RNGTT: variants seen among roughly 807,000 people sequenced by gnomAD.
RNGTT encodes the protein mRNA-capping enzyme.
A neutral mutation model predicts 79.3 loss-of-function variants in RNGTT; 33 were observed. The observed-to-expected ratio is 0.42, with a 90% CI of 0.32 to 0.56. The LOEUF (loss-of-function observed/expected upper bound fraction) is 0.56, where lower values mean the gene tolerates loss of function less well. RNGTT is among the 20% of genes least tolerant of loss of function. RNGTT has a pLI of 0.17. For synonymous variants in RNGTT, 222 were observed against 235.9 expected, an observed-to-expected ratio of 0.94 and a Z score of 0.54; for missense variants, 497 against 739.1, an observed-to-expected ratio of 0.67 and a Z score of 3.80.
intron 6 of RNGTT, among the ~76,000 whole-genome samples, chr6:88,892,912 C>T (rs540316862): frequency 7.9e-5 from 12 of 152,146 alleles, no homozygotes; most frequent in African/African-American, 2.9e-4. Context: ...TTCCAGCAGA[C>T]ACTAGTCCTA....
In RNGTT at chr6:88,936,140, C is replaced by T. The variant is rs190655797; in HGVS notation, c.174+4931G>A. On this transcript the variant is annotated intron_variant, in intron 2 of 15. Transcript: ENST00000369485. The stretch of plus-strand genomic sequence containing the variant: ...GAGATGGGGGTCTCACTTTGGGGTC[C>T]AGTCTGTTCTTGAACTCTTAGCCTA... Among the ~76,000 whole-genome samples the T allele has an allele frequency of 1.9e-3, 294 of 152,134 alleles. 3 individuals carry two copies. The Middle Eastern group carries it at 0.02, about 11-fold the overall frequency.
At chr6:88,818,593 A>G (rs1443282428) in intron 11 of RNGTT, among the ~76,000 whole-genome samples, 1 of 152,218 alleles carries the variant, frequency 6.6e-6, no homozygotes, top group Non-Finnish European at 1.5e-5. Context: ...AAAAGAAAAA[A>G]GTTTATTTCG....
chr6:88,837,344 C>G (rs922466700), intron 11 of RNGTT, among the ~76,000 whole-genome samples: 1 of 152,110 alleles, frequency 6.6e-6, no homozygotes, highest in Admixed American at 6.5e-5. Context: ...CTGTAGTGAG[C>G]TATAATTGTG....
At chr6:88,840,208 T>C (rs1331778129) in intron 11 of RNGTT, among the ~76,000 whole-genome samples, 1 of 152,204 alleles carries the variant, frequency 6.6e-6, no homozygotes, top group African/African-American at 2.4e-5. Context: ...CTGTCAATTG[T>C]AGTTATTATC....
chr6:88,613,745 C>T (rs1772119044), intron 15 of RNGTT, among the ~76,000 whole-genome samples: 1 of 152,174 alleles, frequency 6.6e-6, no homozygotes, highest in South Asian at 2.1e-4. Context: ...TGTTGTTCCC[C>T]ATGAAAGAAA....
intron 14 of RNGTT, among the ~76,000 whole-genome samples, chr6:88,617,002 G>C (rs982026439): frequency 1.3e-5 from 2 of 152,248 alleles, no homozygotes; most frequent in African/African-American, 4.8e-5. Context: ...GCCGGGCACA[G>C]TGGCTCACGC....
At position 88,940,741 on chromosome 6, in the gene RNGTT, A is replaced by G. The variant is rs140818641; in HGVS notation, c.174+330T>C. Among the ~76,000 whole-genome samples the G allele has an allele frequency of 5.3e-3, 805 of 152,322 alleles. 5 individuals are homozygous for G. Among genetic ancestry groups the G allele is most frequent in the Middle Eastern group, 0.01 (3 of 294 alleles). ...CTCTGTGGAGATGCAGCAGTTCTAT[A>G]ATCACTACCATGAATTTACACATGA... On this transcript the variant is annotated intron_variant, in intron 2 of 15. Transcript: ENST00000369485.
chr6:88,635,991 G>A (rs1180836265), intron 14 of RNGTT, among the ~76,000 whole-genome samples: 1 of 151,960 alleles, frequency 6.6e-6, no homozygotes, highest in Non-Finnish European at 1.5e-5. Context: ...AAGAGATATA[G>A]GTCATTTATA....
intron 13 of RNGTT, among the ~76,000 whole-genome samples, chr6:88,738,001 C>T (rs930473676): frequency 1.4e-4 from 21 of 152,028 alleles, no homozygotes; most frequent in Non-Finnish European, 2.6e-4. Flanking sequence ...CCAAAGAGTA[C>T]AGTATGAAAA....
chr6:88,679,122 C>T lies in RNGTT; in HGVS notation c.1440-703G>A, dbSNP rs554167147. On this transcript the variant is annotated intron_variant, in intron 13 of 15. Transcript: ENST00000369485. Reference sequence around the variant, plus strand: ...TGATGCACCACCACTATGCACTGTACAGGAGATAATATAAACCTAAATATA... The same window carrying T: ...TGATGCACCACCACTATGCACTGTATAGGAGATAATATAAACCTAAATATA... 4.6e-5 allele frequency among the ~76,000 whole-genome samples: 7 copies of T among 152,198 alleles called. No homozygotes were observed. The South Asian group carries it at 1.0e-3, about 23-fold the overall frequency.
intron 13 of RNGTT, among the ~76,000 whole-genome samples, chr6:88,755,744 C>G (rs1010145008): frequency 6.6e-6 from 1 of 151,842 alleles, no homozygotes; most frequent in Admixed American, 6.6e-5. Flanking sequence ...AGGTGCATCA[C>G]GAGGTCAGGA....
chr6:88,710,130 T>C (rs939857220), intron 13 of RNGTT, among the ~76,000 whole-genome samples: 11 of 152,156 alleles, frequency 7.2e-5, no homozygotes, highest in Non-Finnish European at 1.6e-4. Context: ...TGCAGTAGAG[T>C]GCACCTATAG....
chr6:88,681,689 A>C (rs752349879), intron 13 of RNGTT, among the ~76,000 whole-genome samples: 21 of 152,164 alleles, frequency 1.4e-4, no homozygotes, highest in Non-Finnish European at 2.6e-4. Flanking sequence ...TCCCAGAGTA[A>C]AGCATTAATT....
chr6:88,720,016 T>C (rs1776654724), intron 13 of RNGTT, among the ~76,000 whole-genome samples: 1 of 152,200 alleles, frequency 6.6e-6, no homozygotes, highest in African/African-American at 2.4e-5. Context: ...ATCCCTACTC[T>C]GTGGCTAGCG....
intron 7 of RNGTT, among the ~76,000 whole-genome samples, 197 bp from the exon 8 acceptor site, chr6:88,890,793 T>C (rs1025849335): frequency 3.3e-5 from 5 of 152,194 alleles, no homozygotes; most frequent in African/African-American, 1.2e-4. Flanking sequence ...AGAATGCAAG[T>C]TAACAGAGTT....
intron 14 of RNGTT, among the ~76,000 whole-genome samples, chr6:88,649,915 T>C (rs981277920): frequency 1.3e-5 from 2 of 152,150 alleles, no homozygotes; most frequent in African/African-American, 4.8e-5. Flanking sequence ...AGTAAGGGTA[T>C]TCCTAGTACT....
intron 13 of RNGTT, among the ~76,000 whole-genome samples, chr6:88,754,267 T>C (rs1449422387): frequency 2.6e-5 from 4 of 152,046 alleles, no homozygotes; most frequent in Non-Finnish European, 4.4e-5. Context: ...AGACAAAGAT[T>C]GGAAAATTAG....
At chr6:88,742,392 C>T (rs1261876097) in intron 13 of RNGTT, among the ~76,000 whole-genome samples, 1 of 152,214 alleles carries the variant, frequency 6.6e-6, no homozygotes, top group Non-Finnish European at 1.5e-5. Flanking sequence ...CCTAAAACAA[C>T]TAGCTCATAT....
At chr6:88,932,376 A>C (rs541013638) in intron 2 of RNGTT, among the ~76,000 whole-genome samples, 7 of 152,188 alleles carry the variant, frequency 4.6e-5, no homozygotes, top group Admixed American at 3.3e-4. Flanking sequence ...TTTCGCCCTG[A>C]CCTTGTGATC....
Sources: gnomAD v4.1 joint callset for allele counts (sites outside exome capture counted in the v4.1 genomes callset) on GRCh38, gnomAD v4.1.1 for gene constraint, MANE v1.5 for transcripts, NCBI Gene and HGNC (gene_info 2026-07-23, HGNC 2026-07-21) for gene names.